Variants in KMT2E observed in about 807,000 individuals in gnomAD.
The protein encoded by KMT2E is histone reader KMT2E.
In KMT2E, 30 loss-of-function variants were observed where a neutral mutation model predicts 184.6. The observed-to-expected ratio is 0.16, with a 90% CI of 0.12 to 0.22. KMT2E has a LOEUF of 0.22. Ranked by LOEUF, KMT2E falls within the 10% of genes least tolerant of loss-of-function variation. The pLI is 1.00. For missense variants in KMT2E, 2,023 were observed against 2,237.4 expected (o/e 0.90, Z 1.93); for synonymous variants, 815 against 776.5 (o/e 1.05, Z -0.82).
intron 1 of KMT2E, among the ~76,000 whole-genome samples, chr7:105,035,752 T>C (rs1485775130): frequency 6.6e-6 from 1 of 151,794 alleles, no homozygotes; most frequent in Non-Finnish European, 1.5e-5. Flanking sequence ...AGAGGTGGGG[T>C]TTCACCATGT....
At chr7:105,094,265 T>C (rs1005511369) in intron 15 of KMT2E, among the ~76,000 whole-genome samples, 3 of 152,060 alleles carry the variant, frequency 2.0e-5, no homozygotes, top group African/African-American at 7.2e-5. Context: ...TAACGTCAAG[T>C]CAAAAAGTGA....
At chr7:105,058,931 AAAG>A (rs1285624143) in intron 3 of KMT2E, among the ~76,000 whole-genome samples, 3 of 152,190 alleles carry the variant, frequency 2.0e-5, no homozygotes, top group African/African-American at 7.2e-5. Context: ...TAAAAGAAAA[AAAG>A]AACATACAAA....
chr7:105,103,674 G>C (rs1450427570), intron 17 of KMT2E: 1 of 151,970 alleles, frequency 6.6e-6, no homozygotes, highest in African/African-American at 2.4e-5. Context: ...TACAGAGAGG[G>C]ACAGAAAAGA....
At chr7:105,082,653 G>A (rs1797804137) in intron 13 of KMT2E, among the ~76,000 whole-genome samples, 3 of 152,040 alleles carry the variant, frequency 2.0e-5, no homozygotes, top group Admixed American at 2.0e-4. Flanking sequence ...TAGTAGAAGG[G>A]GAGGCAGGAG....
chr7:105,023,263 G>A (rs1584688339), intron 1 of KMT2E, among the ~76,000 whole-genome samples: 2 of 151,826 alleles, frequency 1.3e-5, no homozygotes, highest in South Asian at 2.1e-4. Context: ...TTAGCTGGGC[G>A]TGGTGGCGGG....
intron 2 of KMT2E, among the ~76,000 whole-genome samples, chr7:105,038,834 A>G (rs1795769755): frequency 6.6e-6 from 1 of 152,220 alleles, no homozygotes; most frequent in Non-Finnish European, 1.5e-5. Context: ...GATTTTTTAT[A>G]TTAATGCAAA....
intron 1 of KMT2E, among the ~76,000 whole-genome samples, chr7:105,035,799 TCCAC>T (rs1434236144): frequency 6.6e-6 from 1 of 151,876 alleles, no homozygotes; most frequent in Non-Finnish European, 1.5e-5. Flanking sequence ...CCTCAGGTGA[TCCAC>T]CCACCTTGGC....
At chr7:105,078,205 G>A (rs1310017142) in intron 11 of KMT2E, among the ~76,000 whole-genome samples, 1 of 152,144 alleles carries the variant, frequency 6.6e-6, no homozygotes, top group East Asian at 1.9e-4. Context: ...CAGGAAATGT[G>A]AACTCTAAAG....
chr7:105,101,079 T>C (rs1042567333), intron 15 of KMT2E, among the ~76,000 whole-genome samples: 50 of 152,338 alleles, frequency 3.3e-4, no homozygotes, highest in African/African-American at 1.1e-3. Context: ...TGGATCTTTT[T>C]TTAAAAGGCT....
At chr7:105,018,957 A>G (rs1392611449) in intron 1 of KMT2E, among the ~76,000 whole-genome samples, 1 of 152,180 alleles carries the variant, frequency 6.6e-6, no homozygotes, top group Non-Finnish European at 1.5e-5. Context: ...TATATAAAAT[A>G]AACAGTATTT....
intron 11 of KMT2E, 142 bp from the exon 12 acceptor site, chr7:105,078,704 C>T (rs1007114148): frequency 3.6e-5 from 6 of 164,888 alleles, no homozygotes; most frequent in East Asian, 2.6e-4. Flanking sequence ...TACGGAGTGT[C>T]GCCATGTTGC....
intron 19 of KMT2E, 144 bp downstream of exon 19, chr7:105,106,147 T>C: frequency 1.1e-6 from 1 of 885,710 alleles, no homozygotes; most frequent in East Asian, 2.6e-5. Flanking sequence ...CTGTCCTCTG[T>C]ATTTTTTGGC....
chr7:105,046,851 A>G (rs533338581), intron 3 of KMT2E, among the ~76,000 whole-genome samples: 2 of 152,262 alleles, frequency 1.3e-5, no homozygotes, highest in African/African-American at 2.4e-5. Context: ...CAAAATTGCC[A>G]TTAAAATAGT....
chr7:105,017,363 T>C (rs572967208), intron 1 of KMT2E, among the ~76,000 whole-genome samples: 1 of 152,242 alleles, frequency 6.6e-6, no homozygotes, highest in South Asian at 2.1e-4. Flanking sequence ...TTTCTTCATA[T>C]TGGCTTGCTT....
At chr7:105,091,108 G>A (rs1798185439) in intron 14 of KMT2E, 108 bp from the exon 15 acceptor site, 3 of 585,654 alleles carry the variant, frequency 5.1e-6, no homozygotes, top group Non-Finnish European at 9.2e-6. Context: ...TAAATAGGCT[G>A]TGTACATGTT....
At chr7:105,110,712 G>A (rs2129570097) in intron 25 of KMT2E, 59 bp from the exon 26 acceptor site, 3 of 1,579,698 alleles carry the variant, frequency 1.9e-6, no homozygotes, top group Non-Finnish European at 2.6e-6. Context: ...GCTTTGTGGT[G>A]TTAAAACAGT....
chr7:105,065,695 G>C (rs1001604029), intron 5 of KMT2E, among the ~76,000 whole-genome samples: 1 of 152,054 alleles, frequency 6.6e-6, no homozygotes, highest in Non-Finnish European at 1.5e-5. Flanking sequence ...CTTTCCTTCT[G>C]CCCCCCTCTC....
intron 6 of KMT2E, among the ~76,000 whole-genome samples, chr7:105,070,072 T>C (rs1177891418): frequency 6.6e-6 from 1 of 152,186 alleles, no homozygotes; most frequent in African/African-American, 2.4e-5. Flanking sequence ...TTCTTTAACC[T>C]ATTCACCCAT....
At chr7:105,092,776 A>G (rs1173253781) in intron 15 of KMT2E, among the ~76,000 whole-genome samples, 1 of 152,130 alleles carries the variant, frequency 6.6e-6, no homozygotes, top group African/African-American at 2.4e-5. Context: ...TGTGCTGGGA[A>G]TTTTTAGGAA....
Sources: gnomAD v4.1 joint callset for allele counts (sites outside exome capture counted in the v4.1 genomes callset) on GRCh38, gnomAD v4.1.1 for gene constraint, MANE v1.5 for transcripts, NCBI Gene and HGNC (gene_info 2026-07-23, HGNC 2026-07-21) for gene names.